The following ADPRHL1 variants were observed in gnomAD, a reference collection of about 807,000 sequenced individuals.
ADPRHL1 encodes the protein inactive ADP-ribosyltransferase ARH2.
ADPRHL1 carries 43 observed loss-of-function variants against 44.1 expected under a neutral mutation model. That is an observed-to-expected ratio of 0.98 (90% CI 0.76 to 1.26). The LOEUF is 1.26. Among genes scored for constraint, ADPRHL1 ranks in the 50% most tolerant of loss-of-function variants. ADPRHL1 has a pLI of 0.00. For synonymous variants in ADPRHL1, 878 were observed against 1,017.4 expected, an observed-to-expected ratio of 0.86 and a Z score of 2.61; for missense variants, 2,022 against 2,496.9, an observed-to-expected ratio of 0.81 and a Z score of 4.05.
In ADPRHL1 at chr13:113,453,243, G is replaced by A. The variant is rs369993693; in HGVS notation, c.195C>T (p.Thr65=). The A allele has an allele frequency of 1.4e-5, 23 of 1,614,022 alleles. No homozygotes were observed. Among genetic ancestry groups the A allele is most frequent in the African/African-American group, 4.0e-5 (3 of 74,918 alleles). ...GCCTACCTGTGGTGAGGGCCTCGGC[G>A]GTTGCGATGTGCATGATGGTGTTGT... ...VSDNTIMHIA[T]AEALTTDYWC... Residue 65 remains threonine (T), a synonymous_variant, in exon 1 of 8, where the codon ACC becomes ACT. Transcript: ENST00000612156. The surrounding 1 kb of genome is among the most constrained non-coding windows in gnomAD (Gnocchi z 5.4).
Position 113,404,423 on chromosome 13 carries a change from G to T in ADPRHL1, c.4859C>A (p.Thr1620Asn). Reference sequence around the variant, plus strand: ...AGCCCATTTCTGGGCCTTTATCTGGGTCTGCCACTGGGCCTGTCCCTGAGC... The same window carrying T: ...AGCCCATTTCTGGGCCTTTATCTGGTTCTGCCACTGGGCCTGTCCCTGAGC... ...EEAQGQAQWQTQIKAQKWAQE... is the reference protein window; with the variant it reads ...EEAQGQAQWQNQIKAQKWAQE... The change falls in exon 8 of 8, where the codon ACC (threonine) becomes AAC (asparagine). Residue 1620 changes from threonine to asparagine, a missense_variant. Physicochemically the swap from Thr to Asn is moderately conservative, Grantham distance 65. Around this residue, in one of 8 missense-constraint regions of ADPRHL1, gnomAD observed 78 missense variants for 76.5 expected, o/e 1.02. Coordinates refer to ENST00000612156, the MANE Select transcript of ADPRHL1 (RefSeq NM_001394807.1). 1 of 1,322,506 alleles carries T rather than the reference G, an allele frequency of 7.6e-7. No individual in the cohort carries two copies. Among genetic ancestry groups the T allele is most frequent in the Non-Finnish European group, 9.6e-7 (1 of 1,043,760 alleles). 81.9% of individuals were successfully genotyped at this position (1,322,506 alleles called of 1,614,324 possible). A position where few individuals can be genotyped will look rare whatever the true frequency, so the allele number is the denominator to read the frequency against.
rs890554043 is a variant in ADPRHL1, at chr13:113,417,790, C to T, written c.1061+5036G>A. Reference sequence around the variant, plus strand: ...AGCTTCTGTGTGTTAACTGGAAATGCGTTTACACACGAGGGATTTTTACCA... The same window carrying T: ...AGCTTCTGTGTGTTAACTGGAAATGTGTTTACACACGAGGGATTTTTACCA... On this transcript the variant is annotated intron_variant, in intron 7 of 7. Transcript: ENST00000612156. Among the ~76,000 whole-genome samples, 8 of 152,242 alleles carry T rather than the reference C, an allele frequency of 5.3e-5. 1 individual carries two copies. Among genetic ancestry groups the T allele is most frequent in the Non-Finnish European group, 7.3e-5 (5 of 68,048 alleles).
chr13:113,431,091 A>G (rs945624277), intron 3 of ADPRHL1, among the ~76,000 whole-genome samples: 2 of 152,190 alleles, frequency 1.3e-5, no homozygotes, highest in African/African-American at 4.8e-5. Context: ...TGAGGCCCAC[A>G]GCCACCTAGG....
At position 113,403,513 on chromosome 13, in the gene ADPRHL1, C is replaced by G. The variant is rs1425885914; in HGVS notation, c.5769G>C (p.Ser1923=). 2.4e-6 allele frequency: 3 copies of G among 1,232,038 alleles called. No homozygotes were observed. Among genetic ancestry groups the G allele is most frequent in the East Asian group, 3.2e-5 (1 of 31,694 alleles). 76.3% of individuals were successfully genotyped at this position (1,232,038 alleles called of 1,614,324 possible). The change falls in exon 8 of 8, where the codon TCG becomes TCC. Residue 1923 remains serine, a synonymous_variant. Coordinates refer to ENST00000612156, the MANE Select transcript of ADPRHL1 (RefSeq NM_001394807.1). ...ERALQDRMEA[S]EPERRGRSRH... is the part of the protein sequence containing the mutation. ...TGGACCTCCCGCGACGCTCGGGCTC[C>G]GATGCCTCCATCCTGTCCTGCAGGG...
At chr13:113,442,544 C>T (rs566893244) in intron 2 of ADPRHL1, among the ~76,000 whole-genome samples, 3 of 152,316 alleles carry the variant, frequency 2.0e-5, no homozygotes, top group East Asian at 3.9e-4. Flanking sequence ...TCACTCACAT[C>T]GCTCTGACAA....
chr13:113,421,335 C>A (rs9577545), intron 7 of ADPRHL1, among the ~76,000 whole-genome samples: 2 of 140,582 alleles, frequency 1.4e-5, no homozygotes, highest in African/African-American at 5.6e-5. Flanking sequence ...ACACGCCCAC[C>A]CCCGGGACAC....
At chr13:113,436,890 T>G (rs2044062790) in intron 2 of ADPRHL1, among the ~76,000 whole-genome samples, 1 of 143,024 alleles carries the variant, frequency 7.0e-6, no homozygotes, top group African/African-American at 2.6e-5. Context: ...TGAACATAGG[T>G]GTACCCTGTG....
rs576818340 is a variant in ADPRHL1 at position 113,428,804 on chromosome 13, G to A, written c.646+148C>T. The A allele has an allele frequency of 3.0e-4, 387 of 1,273,704 alleles. 1 individual carries two copies. The highest frequency in any genetic ancestry group is 3.9e-4 in the Non-Finnish European group (363 of 936,656). 78.9% of individuals were successfully genotyped at this position (1,273,704 alleles called of 1,614,324 possible). A position where few individuals can be genotyped will look rare whatever the true frequency, so the allele number is the denominator to read the frequency against. On this transcript the variant is annotated intron_variant, in intron 4 of 7. Coordinates refer to ENST00000612156, the MANE Select transcript of ADPRHL1 (RefSeq NM_001394807.1). ...AGGAGCAGCATGGGGCCTGCCTTGC[G>A]AGGCCAGCTCTGCTCACATGGCCCG...
chr13:113,439,087 G>A (rs2044080120), intron 2 of ADPRHL1, among the ~76,000 whole-genome samples: 1 of 152,048 alleles, frequency 6.6e-6, no homozygotes, highest in Admixed American at 6.6e-5. Context: ...AATACCCTGT[G>A]AAGCCATCAG....
At chr13:113,450,457 G>C (rs2044170803) in intron 1 of ADPRHL1, among the ~76,000 whole-genome samples, 1 of 152,144 alleles carries the variant, frequency 6.6e-6, no homozygotes, top group Non-Finnish European at 1.5e-5. Flanking sequence ...AGAGATAAGA[G>C]AAAAGGCAGC....
chr13:113,448,389 T>G (rs2044156417), intron 1 of ADPRHL1, among the ~76,000 whole-genome samples: 1 of 135,568 alleles, frequency 7.4e-6, no homozygotes, highest in Non-Finnish European at 1.5e-5. Context: ...TCGCTTGAAC[T>G]CAGGAGGTGG....
At position 113,404,763 on chromosome 13, in the gene ADPRHL1, G is replaced by C; in HGVS notation, c.4519C>G (p.Gln1507Glu). The change falls in exon 8 of 8, where the codon CAG (glutamine) becomes GAG (glutamate). Residue 1507 changes from glutamine to glutamate, a missense_variant. Physicochemically the swap from Gln to Glu is conservative, Grantham distance 29. Around this residue, in one of 8 missense-constraint regions of ADPRHL1, gnomAD observed 1,221 missense variants for 1,517.8 expected, o/e 0.80. Coordinates refer to ENST00000612156, the MANE Select transcript of ADPRHL1 (RefSeq NM_001394807.1). ...RGQVQGHAQE[Q>E]AQWQTQIEAQ... is the part of the protein sequence containing the mutation. ...TCTATCTGGGTCTGCCACTGGGCCTGTTCTTGAGCGTGTCCCTGAACCTGT... is the reference window on the plus strand; with the variant it reads ...TCTATCTGGGTCTGCCACTGGGCCTCTTCTTGAGCGTGTCCCTGAACCTGT... 1 of 1,271,522 alleles carries C rather than the reference G, an allele frequency of 7.9e-7. No homozygotes were observed. The highest frequency in any genetic ancestry group is 9.9e-7 in the Non-Finnish European group (1 of 1,013,526). The allele number at this position is 1,271,522 out of a possible 1,614,324, so 78.8% of individuals were successfully genotyped here. A position where few individuals can be genotyped will look rare whatever the true frequency, so the allele number is the denominator to read the frequency against.
At position 113,401,946 on chromosome 13, in the gene ADPRHL1, T is replaced by C. The variant is rs967359669; in HGVS notation, c.*1432A>G. 2.6e-5 allele frequency: 4 copies of C among 152,244 alleles called. No homozygotes were observed. Among genetic ancestry groups the C allele is most frequent in the African/African-American group, 9.6e-5 (4 of 41,458 alleles). 9.4% of individuals were successfully genotyped at this position (152,244 alleles called of 1,614,324 possible). A position where few individuals can be genotyped will look rare whatever the true frequency, so the allele number is the denominator to read the frequency against. On this transcript the variant is annotated 3_prime_UTR_variant, in exon 8 of 8. Transcript: ENST00000612156. The surrounding 1 kb of genome is among the most constrained non-coding windows in gnomAD (Gnocchi z 5.5). ...CTCAGGGCCGACACTGGAAAACACCTTCCTCTAAAGGAACATCCGAGTCAG... is the reference window on the plus strand; with the variant it reads ...CTCAGGGCCGACACTGGAAAACACCCTCCTCTAAAGGAACATCCGAGTCAG...
At chr13:113,446,049 C>A (rs4644760) in intron 1 of ADPRHL1, among the ~76,000 whole-genome samples, 2 of 144,336 alleles carry the variant, frequency 1.4e-5, no homozygotes, top group Non-Finnish European at 3.0e-5. Flanking sequence ...ACAGAGAGAG[C>A]GTGCAGGGCC....
intron 2 of ADPRHL1, among the ~76,000 whole-genome samples, chr13:113,437,157 A>G (rs1325919743): frequency 2.2e-5 from 3 of 139,524 alleles, no homozygotes; most frequent in Non-Finnish European, 4.6e-5. Context: ...CCCGGGACCC[A>G]GCACCCACAC....
Position 113,433,616 on chromosome 13 carries a change from G to C in ADPRHL1, c.505+126C>G, listed in dbSNP as rs1203322367. 4.8e-6 allele frequency: 7 copies of C among 1,450,534 alleles called. No homozygotes were observed. The African/African-American group carries it at 7.0e-5, about 14-fold the overall frequency. The allele number at this position is 1,450,534 out of a possible 1,614,324, so 89.9% of individuals were successfully genotyped here. A position where few individuals can be genotyped will look rare whatever the true frequency, so the allele number is the denominator to read the frequency against. On this transcript the variant is annotated intron_variant, in intron 3 of 7. Transcript: ENST00000612156. ...CAGGGTCAGCTTCTGTCTCCTTTAAGCAGACGTGCAGATGGCGGCAGCTCC... is the reference window on the plus strand; with the variant it reads ...CAGGGTCAGCTTCTGTCTCCTTTAACCAGACGTGCAGATGGCGGCAGCTCC...
At chr13:113,439,565 G>A (rs188379671) in intron 2 of ADPRHL1, among the ~76,000 whole-genome samples, 69 of 151,314 alleles carry the variant, frequency 4.6e-4, no homozygotes, top group Non-Finnish European at 9.3e-4. Context: ...CTCCTGCTTC[G>A]GCCTCCTGAG....
chr13:113,423,372 G>A (rs2043940862), intron 6 of ADPRHL1, among the ~76,000 whole-genome samples: 2 of 152,218 alleles, frequency 1.3e-5, no homozygotes, highest in East Asian at 1.9e-4. Flanking sequence ...TCAGTGAGGT[G>A]CCAGGAAGGT....
chr13:113,423,730 C>T (rs545115478), intron 6 of ADPRHL1, among the ~76,000 whole-genome samples: 17 of 152,358 alleles, frequency 1.1e-4, no homozygotes, highest in South Asian at 4.1e-4. Flanking sequence ...AGAGCCAGCA[C>T]GGATGGAGCA....
Sources: gnomAD v4.1 joint callset for allele counts (sites outside exome capture counted in the v4.1 genomes callset) on GRCh38, gnomAD v4.1.1 for gene constraint, gnomAD v4.1.1 regional missense constraint, Gnocchi (gnomAD v3.1) non-coding constraint, MANE v1.5 for transcripts, NCBI Gene and HGNC (gene_info 2026-07-23, HGNC 2026-07-21) for gene names.